Variants in GLCCI1 observed in about 807,000 individuals in gnomAD.
GLCCI1 encodes glucocorticoid induced 1, also known as glucocorticoid-induced transcript 1 protein.
A neutral mutation model predicts 52.2 loss-of-function variants in GLCCI1; 24 were observed. That is an observed-to-expected ratio of 0.46 (90% confidence interval 0.33 to 0.65). The LOEUF is 0.65. Ranked by LOEUF, GLCCI1 falls within the 30% of genes least tolerant of loss-of-function variation. The probability of loss-of-function intolerance (pLI) is 0.02; values close to 1 mark genes in which losing one functional copy is unlikely to be tolerated. For synonymous variants in GLCCI1, 310 were observed against 276.5 expected (o/e 1.12, Z -1.20); for missense variants, 704 against 701.5 (o/e 1.00, Z -0.04).
At chr7:8,010,072 T>C (rs1487161580) in intron 2 of GLCCI1, among the ~76,000 whole-genome samples, 1 of 152,208 alleles carries the variant, frequency 6.6e-6, no homozygotes, top group African/African-American at 2.4e-5. Context: ...CCTTAAACTT[T>C]TTCTGATACA....
rs75286426 is a variant in GLCCI1 at position 8,053,212 on chromosome 7, A to G, written c.697-2221A>G. On this transcript the variant is annotated intron_variant, in intron 3 of 7. Coordinates refer to ENST00000223145, the MANE Select transcript of GLCCI1 (RefSeq NM_138426.4). ...ATGCTTTAATCTTCTCTTGGTGACT[A>G]TGCTTATTACTCTCTCTATAGTTAT... 7.1e-3 allele frequency among the ~76,000 whole-genome samples: 1,075 copies of G among 151,054 alleles called. 8 individuals carry two copies. The highest frequency in any genetic ancestry group is 0.024 in the African/African-American group (1,004 of 41,208).
intron 3 of GLCCI1, among the ~76,000 whole-genome samples, chr7:8,048,738 A>G (rs926324795): frequency 5.3e-5 from 8 of 152,160 alleles, no homozygotes; most frequent in Admixed American, 4.6e-4. Context: ...GAGACAGGTG[A>G]CTTTATTATT....
rs181741783 is a variant in GLCCI1 at position 8,050,389 on chromosome 7, A to G, written c.697-5044A>G. Reference sequence around the variant, plus strand: ...GAAGTTTAAAATTTTTATTTTTAGAAGTTTGAGATTTTTGTTGAGGGATAT... The same window carrying G: ...GAAGTTTAAAATTTTTATTTTTAGAGGTTTGAGATTTTTGTTGAGGGATAT... On this transcript the variant is annotated intron_variant, in intron 3 of 7. Transcript: ENST00000223145. Among the ~76,000 whole-genome samples, 161 of 152,284 alleles carry G rather than the reference A, an allele frequency of 1.1e-3. 2 individuals are homozygous for G. The South Asian group carries it at 0.02, about 19-fold the overall frequency.
chr7:8,044,454 G>C (rs570701944), intron 3 of GLCCI1, among the ~76,000 whole-genome samples: 1 of 150,374 alleles, frequency 6.7e-6, no homozygotes, highest in African/African-American at 2.5e-5. Flanking sequence ...CTGCGGCCTC[G>C]ACCTCCTGGG....
chr7:8,030,670 C>G (rs915284486), intron 3 of GLCCI1, among the ~76,000 whole-genome samples: 1 of 152,056 alleles, frequency 6.6e-6, no homozygotes, highest in African/African-American at 2.4e-5. Context: ...ATATAAGGAG[C>G]TCAAAGAACT....
At position 8,087,696 on chromosome 7, in the gene GLCCI1, T is replaced by A. The variant is rs1783147037; in HGVS notation, c.*1158T>A. ...TTTAGGTGCATGATCTTCATTTACA[T>A]AGAATACTTGGGTCTCAGAATTGAT... On this transcript the variant is annotated 3_prime_UTR_variant, in exon 8 of 8. Transcript: ENST00000223145. 6.6e-6 allele frequency: 1 copy of A among 152,536 alleles called. No individual in the cohort carries two copies. Among genetic ancestry groups the A allele is most frequent in the South Asian group, 2.1e-4 (1 of 4,832 alleles). The allele number at this position is 152,536 out of a possible 1,614,324, so 9.4% of individuals were successfully genotyped here.
chr7:8,029,024 A>T (rs1321170710), intron 3 of GLCCI1, among the ~76,000 whole-genome samples: 1 of 152,176 alleles, frequency 6.6e-6, no homozygotes, highest in African/African-American at 2.4e-5. Flanking sequence ...CCAAACATTT[A>T]AAGAACACCT....
intron 6 of GLCCI1, among the ~76,000 whole-genome samples, chr7:8,076,451 T>A (rs1782878775): frequency 6.6e-6 from 1 of 152,168 alleles, no homozygotes; most frequent in Non-Finnish European, 1.5e-5. Flanking sequence ...GTCCCTAAGG[T>A]CATTTTACCT....
At chr7:8,011,329 G>T (rs924897025) in intron 2 of GLCCI1, among the ~76,000 whole-genome samples, 4 of 151,966 alleles carry the variant, frequency 2.6e-5, no homozygotes, top group Admixed American at 6.6e-5. Flanking sequence ...CCAGCCTCTG[G>T]TAGCCATCAT....
chr7:8,071,866 GAGAAAT>G (rs1244888576), intron 6 of GLCCI1, among the ~76,000 whole-genome samples: 2 of 152,166 alleles, frequency 1.3e-5, no homozygotes, highest in Admixed American at 1.3e-4. Context: ...TGTCACCATA[GAGAAAT>G]AGGTCAATGG....
intron 2 of GLCCI1, among the ~76,000 whole-genome samples, chr7:8,019,584 G>C (rs990746928): frequency 4.0e-5 from 6 of 151,520 alleles, no homozygotes; most frequent in African/African-American, 1.2e-4. Context: ...GATATGTTTT[G>C]AGAAATGCAT....
At chr7:8,061,777 C>T (rs1440035382) in intron 5 of GLCCI1, among the ~76,000 whole-genome samples, 1 of 150,052 alleles carries the variant, frequency 6.7e-6, no homozygotes, top group African/African-American at 2.5e-5. Flanking sequence ...AGTGGTTCTC[C>T]CGCCTCAGCC....
At chr7:8,044,008 G>A (rs999189631) in intron 3 of GLCCI1, among the ~76,000 whole-genome samples, 14 of 150,392 alleles carry the variant, frequency 9.3e-5, no homozygotes, top group African/African-American at 3.2e-4. Context: ...GCAGTGGCGC[G>A]ATCTCCGCTC....
chr7:8,002,427 A>G (rs187609102), intron 1 of GLCCI1, among the ~76,000 whole-genome samples: 1 of 152,330 alleles, frequency 6.6e-6, no homozygotes, highest in East Asian at 1.9e-4. Flanking sequence ...GGGTTCCATT[A>G]GATTCTCTGC....
chr7:8,045,363 G>GA (rs1782097757), intron 3 of GLCCI1, among the ~76,000 whole-genome samples: 1 of 152,086 alleles, frequency 6.6e-6, no homozygotes, highest in Non-Finnish European at 1.5e-5. Context: ...AGAGTACCCA[G>GA]AAAAAAGCCA....
intron 3 of GLCCI1, among the ~76,000 whole-genome samples, chr7:8,034,276 T>A (rs1781818466): frequency 6.6e-6 from 1 of 152,168 alleles, no homozygotes. Flanking sequence ...ATCCTAAATG[T>A]AACCTCTAAA....
intron 3 of GLCCI1, among the ~76,000 whole-genome samples, chr7:8,053,524 G>A (rs557725891): frequency 6.7e-6 from 1 of 148,344 alleles, no homozygotes; most frequent in East Asian, 2.0e-4. Flanking sequence ...TAGCAGAGAT[G>A]GGGTTTCGCC....
intron 4 of GLCCI1, among the ~76,000 whole-genome samples, chr7:8,056,539 C>T (rs1456657294): frequency 2.0e-5 from 3 of 152,140 alleles, no homozygotes; most frequent in African/African-American, 7.2e-5. Context: ...TAAATACTAA[C>T]ATATCCCATG....
intron 5 of GLCCI1, among the ~76,000 whole-genome samples, chr7:8,067,087 T>C (rs1256243627): frequency 6.6e-6 from 1 of 152,260 alleles, no homozygotes; most frequent in East Asian, 1.9e-4. Flanking sequence ...CATATATATT[T>C]AGGATAGTTA....
Sources: allele counts gnomAD v4.1 joint callset (sites outside exome capture counted in the v4.1 genomes callset), GRCh38; gene constraint gnomAD v4.1.1; transcripts MANE v1.5; gene names NCBI Gene and HGNC (gene_info 2026-07-23, HGNC 2026-07-21).